The following VAT1L variants were observed in gnomAD, a reference collection of about 807,000 sequenced individuals.
The protein encoded by VAT1L is putative NADPH-dependent quinone oxidoreductase VAT1L.
In VAT1L, 34 loss-of-function variants were observed where a neutral mutation model predicts 44.1. The observed-to-expected ratio is 0.77, with a 90% CI of 0.59 to 1.03. The LOEUF (loss-of-function observed/expected upper bound fraction) is 1.03, where lower values mean the gene tolerates loss of function less well. VAT1L is among the 50% of genes least tolerant of loss of function. The pLI, the probability that VAT1L is intolerant of heterozygous loss-of-function variation, is 0.00. For synonymous variants in VAT1L, 253 were observed against 202.2 expected (o/e 1.25, Z -2.13); for missense variants, 615 against 538.8 (o/e 1.14, Z -1.40).
chr16:77,805,865 C>CTTTTTTTTT lies in VAT1L; in HGVS notation c.234-11049_234-11041dup, dbSNP rs10689119. On this transcript the variant is annotated intron_variant, in intron 1 of 8. Transcript: ENST00000302536. ...GTGTTATTTTTTCCTTAGTCTCTGC[C>CTTTTTTTTT]TTTTTTTTTTTTTTTGAGATGGAGT... Among the ~76,000 whole-genome samples, 598 of 78,770 alleles carry CTTTTTTTTT rather than the reference C, an allele frequency of 7.6e-3. 94 individuals carry two copies. The highest frequency in any genetic ancestry group is 0.019 in the East Asian group (40 of 2,126). 51.7% of individuals were successfully genotyped at this position (78,770 alleles called of 152,430 possible).
At chr16:77,937,102 C>T (rs1047084191) in intron 7 of VAT1L, among the ~76,000 whole-genome samples, 4 of 152,068 alleles carry the variant, frequency 2.6e-5, no homozygotes, top group African/African-American at 4.8e-5. Context: ...AGGATGGTCT[C>T]GATCTCTTAG....
intron 8 of VAT1L, 118 bp from the exon 9 acceptor site, chr16:77,977,479 A>C: frequency 1.0e-6 from 1 of 989,060 alleles, no homozygotes; most frequent in Non-Finnish European, 1.5e-6. Flanking sequence ...CCTTCCAGGG[A>C]AACAAGCAAC....
chr16:77,886,335 C>T (rs1378830467), intron 7 of VAT1L, among the ~76,000 whole-genome samples: 3 of 152,026 alleles, frequency 2.0e-5, no homozygotes, highest in African/African-American at 7.2e-5. Context: ...ACTGGGTTCT[C>T]AATGGTCAGG....
intron 7 of VAT1L, among the ~76,000 whole-genome samples, chr16:77,889,029 C>A (rs528043824): frequency 2.0e-5 from 3 of 152,296 alleles, no homozygotes; most frequent in East Asian, 3.9e-4. Flanking sequence ...GTTTATCAAG[C>A]CCACGCAGCT....
intron 7 of VAT1L, among the ~76,000 whole-genome samples, chr16:77,901,400 G>C (rs957066959): frequency 6.6e-6 from 1 of 151,930 alleles, no homozygotes; most frequent in Non-Finnish European, 1.5e-5. Context: ...TCCTGACCTT[G>C]TGATCCGCCC....
At chr16:77,946,279 C>CTTTTTTTTTTT (rs66461822) in intron 7 of VAT1L, among the ~76,000 whole-genome samples, 1,654 of 70,336 alleles carry the variant, frequency 0.024, 546 homozygotes, top group East Asian at 0.12. Context: ...GTTACTTGTT[C>CTTTTTTTTTTT]TTTTTTTTTT....
At chr16:77,938,011 C>T (rs1114211) in intron 7 of VAT1L, among the ~76,000 whole-genome samples, 23,050 of 152,206 alleles carry the variant, frequency 0.15, 2,175 homozygotes, top group Non-Finnish European at 0.21. Flanking sequence ...ACTCTAAGAG[C>T]GTAAAGGGCA....
chr16:77,977,556 G>A, intron 8 of VAT1L, 41 bp from the exon 9 acceptor site: 1 of 1,599,144 alleles, frequency 6.3e-7, no homozygotes, highest in Non-Finnish European at 8.6e-7. Flanking sequence ...TGACGAGGCT[G>A]GGTTGCACAA....
chr16:77,823,723 T>G (rs1033077657), intron 2 of VAT1L, among the ~76,000 whole-genome samples: 1 of 152,198 alleles, frequency 6.6e-6, no homozygotes, highest in Non-Finnish European at 1.5e-5. Flanking sequence ...AATGTACATA[T>G]AGAAAAACCT....
intron 3 of VAT1L, among the ~76,000 whole-genome samples, chr16:77,849,731 C>T (rs2016790271): frequency 6.6e-6 from 1 of 152,160 alleles, no homozygotes; most frequent in African/African-American, 2.4e-5. Flanking sequence ...GACCTGGCCA[C>T]TGCATTCCAG....
intron 7 of VAT1L, among the ~76,000 whole-genome samples, chr16:77,898,058 T>C (rs1197157856): frequency 6.6e-6 from 1 of 152,088 alleles, no homozygotes; most frequent in East Asian, 1.9e-4. Context: ...GTCTCATGCA[T>C]CTCTCTTAGG....
intron 7 of VAT1L, among the ~76,000 whole-genome samples, chr16:77,924,816 C>T (rs1025203593): frequency 6.6e-6 from 1 of 152,104 alleles, no homozygotes; most frequent in Non-Finnish European, 1.5e-5. Flanking sequence ...CAATTTTTCC[C>T]CCTCTGTCTA....
At chr16:77,842,750 T>C (rs1166811256) in intron 3 of VAT1L, among the ~76,000 whole-genome samples, 1 of 152,210 alleles carries the variant, frequency 6.6e-6, no homozygotes. Flanking sequence ...GCCCCACTAA[T>C]TGAGTTTTAT....
rs1194366649 is a variant in VAT1L, at chr16:77,978,706, T to G, written c.*1011T>G. ...CTCTAGGGATACAAAAGGTTTATAT[T>G]CAGCATCTGATGTCAGATGTACAGT... On this transcript the variant is annotated 3_prime_UTR_variant, in exon 9 of 9. Transcript: ENST00000302536. 2 of 152,178 alleles carry G rather than the reference T, an allele frequency of 1.3e-5. No homozygotes were observed. The highest frequency in any genetic ancestry group is 4.8e-5 in the African/African-American group (2 of 41,442). The allele number at this position is 152,178 out of a possible 1,614,324, so 9.4% of individuals were successfully genotyped here. A position where few individuals can be genotyped will look rare whatever the true frequency, so the allele number is the denominator to read the frequency against.
chr16:77,791,135 C>T (rs1325050031), intron 1 of VAT1L, among the ~76,000 whole-genome samples: 1 of 152,158 alleles, frequency 6.6e-6, no homozygotes, highest in Non-Finnish European at 1.5e-5. Flanking sequence ...CTGGGCAGCT[C>T]CTTCTCCTCT....
chr16:77,848,906 T>C (rs943329613), intron 3 of VAT1L, among the ~76,000 whole-genome samples: 1 of 152,148 alleles, frequency 6.6e-6, no homozygotes, highest in Non-Finnish European at 1.5e-5. Context: ...TGGATGAAGC[T>C]GGAAACCATC....
intron 1 of VAT1L, 75 bp downstream of exon 1, chr16:77,788,990 G>T (rs2015782635): frequency 7.1e-7 from 1 of 1,413,912 alleles, no homozygotes; most frequent in South Asian, 1.5e-5. Flanking sequence ...GAAAGCTGCG[G>T]CTGGGATGCT....
chr16:77,933,887 G>C (rs1014035730), intron 7 of VAT1L, among the ~76,000 whole-genome samples: 1 of 152,200 alleles, frequency 6.6e-6, no homozygotes, highest in Admixed American at 6.5e-5. Flanking sequence ...GCATAATCTG[G>C]GAGAGGGAGG....
chr16:77,795,281 G>C lies in VAT1L; in HGVS notation c.233+6366G>C, dbSNP rs754964629. Among the ~76,000 whole-genome samples, 58 of 79,614 alleles carry C rather than the reference G, an allele frequency of 7.3e-4. 1 individual carries two copies. The highest frequency in any genetic ancestry group is 2.2e-3 in the African/African-American group (49 of 22,054). The allele number at this position is 79,614 out of a possible 152,430, so 52.2% of individuals were successfully genotyped here. The stretch of plus-strand genomic sequence containing the variant: ...AATAATTGGTAGAATTTACAGTGGG[G>C]GCGGGGGGAAAGATTGAGAAATTAA... On this transcript the variant is annotated intron_variant, in intron 1 of 8. Coordinates refer to ENST00000302536, the MANE Select transcript of VAT1L (RefSeq NM_020927.3).
Sources: allele counts gnomAD v4.1 joint callset (sites outside exome capture counted in the v4.1 genomes callset), GRCh38; gene constraint gnomAD v4.1.1; transcripts MANE v1.5; gene names NCBI Gene and HGNC (gene_info 2026-07-23, HGNC 2026-07-21).